MTHFD1L: variants seen among roughly 807,000 people sequenced by gnomAD.
MTHFD1L encodes the protein monofunctional C1-tetrahydrofolate synthase, mitochondrial.
MTHFD1L carries 81 observed loss-of-function variants against 119.5 expected under a neutral mutation model. The ratio of observed to expected loss-of-function variants is 0.68; its 90% CI spans 0.57 to 0.82. MTHFD1L has a LOEUF of 0.82. MTHFD1L is among the 40% of genes least tolerant of loss of function. MTHFD1L has a pLI of 0.00. For synonymous variants in MTHFD1L, 430 were observed against 475.2 expected (o/e 0.90, Z 1.24); for missense variants, 1,125 against 1,253.4 (o/e 0.90, Z 1.55).
In MTHFD1L at chr6:150,869,013, A is replaced by C. The variant is rs112223009; in HGVS notation, c.227+2964A>C. On this transcript the variant is annotated intron_variant, in intron 1 of 27. Coordinates refer to ENST00000367321, the MANE Select transcript of MTHFD1L (RefSeq NM_015440.5). The stretch of plus-strand genomic sequence containing the variant: ...GAGGTCAAGGCTACAGTGAGCGGAG[A>C]TTGCGCTACTGCACTGCAGCCTGGG... 6.6e-3 allele frequency among the ~76,000 whole-genome samples: 1,002 copies of C among 152,230 alleles called. 12 individuals are homozygous for C. Among genetic ancestry groups the C allele is most frequent in the African/African-American group, 0.023 (954 of 41,548 alleles).
At chr6:150,968,243 C>A (rs1381441692) in intron 19 of MTHFD1L, among the ~76,000 whole-genome samples, 1 of 151,978 alleles carries the variant, frequency 6.6e-6, no homozygotes, top group Admixed American at 6.6e-5. Context: ...ACAGCAAGAC[C>A]TTTTCCATCC....
intron 20 of MTHFD1L, among the ~76,000 whole-genome samples, chr6:150,987,214 T>C (rs2128435220): frequency 6.6e-6 from 1 of 152,334 alleles, no homozygotes; most frequent in Non-Finnish European, 1.5e-5. Context: ...TAGTTGCATC[T>C]AGCAGGCTAT....
Position 150,866,005 on chromosome 6 carries a change from C to G in MTHFD1L, c.183C>G (p.Cys61Trp). The G allele has an allele frequency of 7.3e-7, 1 of 1,377,936 alleles. No homozygotes were observed. The highest frequency in any genetic ancestry group is 9.3e-7 in the Non-Finnish European group (1 of 1,070,930). 85.4% of individuals were successfully genotyped at this position (1,377,936 alleles called of 1,614,324 possible). A position where few individuals can be genotyped will look rare whatever the true frequency, so the allele number is the denominator to read the frequency against. ...RPQDGQARSSCSPGGRTPAAR... is the reference protein window; with the variant it reads ...RPQDGQARSSWSPGGRTPAAR... ...AGGATGGCCAGGCCCGGAGCAGCTG[C>G]AGCCCCGGCGGCCGAACGCCCGCGG... The change falls in exon 1 of 28, where the codon TGC (cysteine) becomes TGG (tryptophan). Residue 61 changes from cysteine to tryptophan, a missense_variant. This residue lies in a region of MTHFD1L where 1,058 missense variants were observed against 1,151.2 expected (regional missense o/e 0.92). Coordinates refer to ENST00000367321, the MANE Select transcript of MTHFD1L (RefSeq NM_015440.5).
intron 7 of MTHFD1L, among the ~76,000 whole-genome samples, chr6:150,896,831 G>A (rs988191023): frequency 8.6e-5 from 13 of 151,970 alleles, no homozygotes; most frequent in African/African-American, 2.2e-4. Flanking sequence ...GCTGTGTGGC[G>A]GGCGCGGTGG....
intron 2 of MTHFD1L, 93 bp downstream of exon 2, chr6:150,876,267 A>G (rs1583318205): frequency 2.8e-6 from 3 of 1,078,538 alleles, no homozygotes; most frequent in South Asian, 3.8e-5. Flanking sequence ...ATTTCTTGCC[A>G]AAGAGGAGAG....
intron 7 of MTHFD1L, among the ~76,000 whole-genome samples, chr6:150,894,721 C>T (rs747432075): frequency 5.9e-5 from 9 of 152,130 alleles, no homozygotes; most frequent in East Asian, 5.8e-4. Flanking sequence ...AAATAGAAAT[C>T]GATCCTTTCT....
intron 1 of MTHFD1L, among the ~76,000 whole-genome samples, chr6:150,871,697 T>G (rs1276322793): frequency 6.6e-6 from 1 of 151,046 alleles, no homozygotes; most frequent in Non-Finnish European, 1.5e-5. Flanking sequence ...AGAAACGGGG[T>G]TTCACCATAT....
chr6:150,984,280 C>T (rs1357337069), intron 20 of MTHFD1L, among the ~76,000 whole-genome samples: 4 of 152,028 alleles, frequency 2.6e-5, no homozygotes, highest in Admixed American at 6.6e-5. Context: ...GGAACCTTCG[C>T]CTGTCAGGAT....
chr6:150,922,644 A>C (rs903126845), intron 10 of MTHFD1L, among the ~76,000 whole-genome samples: 8 of 69,102 alleles, frequency 1.2e-4, no homozygotes, highest in Non-Finnish European at 1.2e-4. Flanking sequence ...TTCCCCCCCC[A>C]CCCTTTTTTT....
chr6:150,993,606 C>G (rs1392903903), intron 20 of MTHFD1L, among the ~76,000 whole-genome samples: 1 of 152,154 alleles, frequency 6.6e-6, no homozygotes, highest in Non-Finnish European at 1.5e-5. Flanking sequence ...GCCACCACAG[C>G]CGGCCTAGTG....
At chr6:151,026,806 C>G (rs913888839) in intron 24 of MTHFD1L, among the ~76,000 whole-genome samples, 3 of 140,272 alleles carry the variant, frequency 2.1e-5, no homozygotes, top group African/African-American at 7.9e-5. Context: ...GAGATTTTTC[C>G]TGTCCTTTCT....
At chr6:151,093,390 A>G (rs982511150) in intron 27 of MTHFD1L, among the ~76,000 whole-genome samples, 6 of 69,080 alleles carry the variant, frequency 8.7e-5, no homozygotes, top group African/African-American at 3.8e-4. Context: ...CTCCTTCCAA[A>G]TAAGATCACT....
intron 1 of MTHFD1L, among the ~76,000 whole-genome samples, chr6:150,869,017 C>T (rs973218585): frequency 6.6e-5 from 10 of 152,108 alleles, no homozygotes; most frequent in African/African-American, 2.4e-4. Context: ...GCGGAGATTG[C>T]GCTACTGCAC....
At chr6:150,944,347 C>T in intron 13 of MTHFD1L, 139 bp from the exon 14 acceptor site, 1 of 657,352 alleles carries the variant, frequency 1.5e-6, no homozygotes, top group South Asian at 1.9e-5. Context: ...ACTCAGTAGG[C>T]TTAGGTGAGA....
chr6:150,935,114 C>T (rs895557249), intron 11 of MTHFD1L: 21 of 1,613,708 alleles, frequency 1.3e-5, no homozygotes, highest in African/African-American at 4.0e-5. Context: ...AAATACCATA[C>T]CTACCAAAGG....
chr6:150,956,083 T>C lies in MTHFD1L; in HGVS notation c.1803+12T>C, dbSNP rs773698217. On this transcript the variant is annotated intron_variant, in intron 17 of 27. Transcript: ENST00000367321. ...GCCATTACCGGCAGGTAGGTGGTGC[T>C]TTCTTCCCGGGTGTGGCTCTGTTCT... The C allele has an allele frequency of 1.2e-6, 2 of 1,611,194 alleles. No individual in the cohort carries two copies. The highest frequency in any genetic ancestry group is 1.7e-4 in the Middle Eastern group (1 of 6,054).
At chr6:150,972,902 T>G (rs2129021585) in intron 20 of MTHFD1L, among the ~76,000 whole-genome samples, 1 of 152,338 alleles carries the variant, frequency 6.6e-6, no homozygotes, top group African/African-American at 2.4e-5. Context: ...CCTCTTTGGC[T>G]TTTCTTGCAT....
At chr6:151,053,559 A>G (rs1789416731) in intron 26 of MTHFD1L, among the ~76,000 whole-genome samples, 1 of 152,116 alleles carries the variant, frequency 6.6e-6, no homozygotes, top group Non-Finnish European at 1.5e-5. Context: ...ATCTAAAAAT[A>G]TATATAGTTT....
At chr6:150,915,855 C>T (rs1287480481) in intron 8 of MTHFD1L, among the ~76,000 whole-genome samples, 3 of 152,110 alleles carry the variant, frequency 2.0e-5, no homozygotes, top group Admixed American at 6.6e-5. Context: ...CCACCCACCT[C>T]GGCCTCCCAA....
Sources: allele counts gnomAD v4.1 joint callset (sites outside exome capture counted in the v4.1 genomes callset), GRCh38; gene constraint gnomAD v4.1.1; regional missense constraint gnomAD v4.1.1; transcripts MANE v1.5; gene names NCBI Gene and HGNC (gene_info 2026-07-23, HGNC 2026-07-21).